Variants in CCDC122 observed in about 807,000 individuals in gnomAD.
The protein encoded by CCDC122 is coiled-coil domain containing 122.
CCDC122 carries 38 observed loss-of-function variants against 37.0 expected under a neutral mutation model. That is an observed-to-expected ratio of 1.03 (90% confidence interval 0.79 to 1.35). The LOEUF (loss-of-function observed/expected upper bound fraction) is 1.35, where lower values mean the gene tolerates loss of function less well. Among genes scored for constraint, CCDC122 ranks in the 40% most tolerant of loss-of-function variants. The pLI is 0.00. For synonymous variants in CCDC122, 83 were observed against 95.6 expected (o/e 0.87, Z 0.77); for missense variants, 305 against 310.0 (o/e 0.98, Z 0.12).
chr13:43,878,140 G>A (rs1954709462), intron 1 of CCDC122: 1 of 151,734 alleles, frequency 6.6e-6, no homozygotes, highest in Admixed American at 6.6e-5. Flanking sequence ...GAAAGAATAC[G>A]AATCCCACCA....
downstream of CCDC122, among the ~76,000 whole-genome samples, chr13:43,831,409 CAAAG>C (rs2153868414): frequency 6.6e-6 from 1 of 152,180 alleles, no homozygotes; most frequent in African/African-American, 2.4e-5. Flanking sequence ...GTCATATACA[CAAAG>C]AAGCACCATG....
intron 2 of CCDC122, among the ~76,000 whole-genome samples, chr13:43,870,884 T>C (rs996164702): frequency 2.0e-5 from 3 of 152,054 alleles, no homozygotes; most frequent in African/African-American, 7.2e-5. Flanking sequence ...AATTATGTCT[T>C]CCATATATCA....
At chr13:43,828,097 T>C (rs184663513) in intron 3 of CCDC122, among the ~76,000 whole-genome samples, 87 of 152,316 alleles carry the variant, frequency 5.7e-4, no homozygotes, top group Admixed American at 9.8e-4. Flanking sequence ...TCTGTGCCCA[T>C]GGAAAGGCTT....
At chr13:43,866,468 C>T (rs778753430) in intron 4 of CCDC122, among the ~76,000 whole-genome samples, 25 of 152,074 alleles carry the variant, frequency 1.6e-4, no homozygotes, top group Non-Finnish European at 3.1e-4. Context: ...TATTTCTCTC[C>T]CAAAAGCCTG....
chr13:43,875,375 A>C (rs961708892), intron 1 of CCDC122, among the ~76,000 whole-genome samples: 1 of 152,210 alleles, frequency 6.6e-6, no homozygotes, highest in African/African-American at 2.4e-5. Flanking sequence ...TCCACGTCCT[A>C]ACTCCCAGAA....
At chr13:43,821,925 A>T (rs1952995924), downstream of CCDC122, among the ~76,000 whole-genome samples, 1 of 152,132 alleles carries the variant, frequency 6.6e-6, no homozygotes, top group South Asian at 2.1e-4. Flanking sequence ...AGTTTCCTCA[A>T]CACAGCTATT....
intron 3 of CCDC122, 83 bp downstream of exon 3, chr13:43,869,248 A>T (rs1954369957): frequency 5.8e-6 from 6 of 1,028,752 alleles, no homozygotes; most frequent in Non-Finnish European, 9.0e-6. Context: ...TTTGCTATCA[A>T]TTTTAACACA....
At chr13:43,878,285 A>T (rs1207351782) in intron 1 of CCDC122, 1 of 152,204 alleles carries the variant, frequency 6.6e-6, no homozygotes, top group Non-Finnish European at 1.5e-5. Context: ...GCACCAATCT[A>T]ATGATATTTA....
intron 4 of CCDC122, among the ~76,000 whole-genome samples, chr13:43,865,617 T>C (rs1954252087): frequency 6.6e-6 from 1 of 152,086 alleles, no homozygotes; most frequent in African/African-American, 2.4e-5. Flanking sequence ...TGTACTGTAC[T>C]CAACATGCCC....
At chr13:43,839,146 TGAGGG>T (rs899055137) in intron 6 of CCDC122, among the ~76,000 whole-genome samples, 4 of 152,160 alleles carry the variant, frequency 2.6e-5, no homozygotes, top group African/African-American at 9.7e-5. Context: ...CAAATCATGG[TGAGGG>T]CTAAATTCCA....
intron 6 of CCDC122, chr13:43,854,900 A>G (rs1215683943): frequency 6.6e-6 from 1 of 152,228 alleles, no homozygotes; most frequent in East Asian, 1.9e-4. Context: ...ATAGATGCAG[A>G]AAAGACTGTC....
chr13:43,830,485 G>A (rs1343248116), intron 3 of CCDC122, among the ~76,000 whole-genome samples: 1 of 152,160 alleles, frequency 6.6e-6, no homozygotes, highest in Non-Finnish European at 1.5e-5. Flanking sequence ...AAGGAGAAAA[G>A]AAGCCGAGCA....
intron 6 of CCDC122, among the ~76,000 whole-genome samples, chr13:43,848,064 C>T (rs1033023327): frequency 3.3e-5 from 5 of 152,126 alleles, no homozygotes; most frequent in African/African-American, 9.7e-5. Context: ...TATGAGCCAC[C>T]GTGCCCAGGC....
In CCDC122 at chr13:43,864,142, T is replaced by C. The variant is rs146279358; in HGVS notation, c.157-4072A>G. 5.1e-3 allele frequency among the ~76,000 whole-genome samples: 784 copies of C among 152,324 alleles called. 5 individuals are homozygous for C. Among genetic ancestry groups the C allele is most frequent in the African/African-American group, 0.018 (735 of 41,572 alleles). ...AATTGCTTTGGTACGTCTTCAAAAA[T>C]CAATTGATATGTGTGGGGCTATTTC... On this transcript the variant is annotated intron_variant, in intron 4 of 6. Coordinates refer to ENST00000444614, the MANE Select transcript of CCDC122 (RefSeq NM_144974.5).
rs147876188 is a variant in CCDC122 at position 43,849,204 on chromosome 13, G to A, written c.672+9577C>T. On this transcript the variant is annotated intron_variant, in intron 6 of 6. Coordinates refer to ENST00000444614, the MANE Select transcript of CCDC122 (RefSeq NM_144974.5). ...AGTTCAAAAGAATCTTAACAGAGGG[G>A]TCCCTATTATGAAAACTTAAAAAGT... 2.6e-4 allele frequency: 91 copies of A among 356,562 alleles called. No homozygotes were observed. In the East Asian group the frequency reaches 0.011, roughly 41 times the overall value. The allele number at this position is 356,562 out of a possible 1,614,324, so 22.1% of individuals were successfully genotyped here.
rs188660126 is a variant in CCDC122, at chr13:43,837,009, C to T, written c.*271G>A. 6.3e-4 allele frequency: 198 copies of T among 316,534 alleles called. 4 individuals carry two copies. In the Admixed American group the frequency reaches 7.7e-3, roughly 12 times the overall value. 19.6% of individuals were successfully genotyped at this position (316,534 alleles called of 1,614,324 possible). On this transcript the variant is annotated 3_prime_UTR_variant, in exon 7 of 7. Transcript: ENST00000444614. ...TAAACAGGTATTCATGAGTATAATACATTTTACACACTCCAAATAGTCACA... is the reference window on the plus strand; with the variant it reads ...TAAACAGGTATTCATGAGTATAATATATTTTACACACTCCAAATAGTCACA...
intron 3 of CCDC122, among the ~76,000 whole-genome samples, chr13:43,829,873 A>G (rs1396015018): frequency 6.6e-6 from 1 of 151,958 alleles, no homozygotes; most frequent in Non-Finnish European, 1.5e-5. Context: ...CAGAATCTAG[A>G]TTTATTTATT....
intron 4 of CCDC122, among the ~76,000 whole-genome samples, chr13:43,864,950 T>C (rs1954225375): frequency 6.6e-6 from 1 of 152,188 alleles, no homozygotes; most frequent in Non-Finnish European, 1.5e-5. Flanking sequence ...AATAATGTGA[T>C]GAAACCTCCA....
At chr13:43,832,151 T>G (rs928673240), downstream of CCDC122, among the ~76,000 whole-genome samples, 1 of 151,584 alleles carries the variant, frequency 6.6e-6, no homozygotes, top group Admixed American at 6.6e-5. Flanking sequence ...AAAAAACTAC[T>G]TCCCTTAGAA....
Sources: gnomAD v4.1 joint callset for allele counts (sites outside exome capture counted in the v4.1 genomes callset) on GRCh38, gnomAD v4.1.1 for gene constraint, MANE v1.5 for transcripts, NCBI Gene and HGNC (gene_info 2026-07-23, HGNC 2026-07-21) for gene names.